ANKRD17: variants seen among roughly 807,000 people sequenced by gnomAD.
The protein encoded by ANKRD17 is ankyrin repeat domain-containing protein 17.
Under a neutral mutation model 229.7 loss-of-function variants are expected in ANKRD17, and 19 were observed. The observed-to-expected ratio is 0.08, with a 90% CI of 0.06 to 0.12. The LOEUF (loss-of-function observed/expected upper bound fraction) is 0.12, where lower values mean the gene tolerates loss of function less well. Among genes scored for constraint, ANKRD17 ranks in the 10% least tolerant of loss-of-function variants. ANKRD17 has a pLI of 1.00. For synonymous variants in ANKRD17, 1,112 were observed against 1,146.1 expected (o/e 0.97, Z 0.60); for missense variants, 2,176 against 3,176.8 (o/e 0.68, Z 7.57).
intron 1 of ANKRD17, among the ~76,000 whole-genome samples, chr4:73,181,940 TG>T (rs927589057): frequency 2.0e-5 from 3 of 149,898 alleles, no homozygotes; most frequent in African/African-American, 7.4e-5. Flanking sequence ...CCCAGCTACT[TG>T]GAAGGCTGAG....
At chr4:73,148,744 C>T (rs1034006501) in intron 8 of ANKRD17, 69 bp downstream of exon 8, 13 of 1,414,234 alleles carry the variant, frequency 9.2e-6, no homozygotes, top group African/African-American at 1.4e-5. Flanking sequence ...ATACTAAAAT[C>T]CAATTTTATA....
chr4:73,162,193 T>TGTGCA (rs1732623248), intron 2 of ANKRD17, among the ~76,000 whole-genome samples: 1 of 151,926 alleles, frequency 6.6e-6, no homozygotes, highest in Admixed American at 6.6e-5. Flanking sequence ...GGACTACAGG[T>TGTGCA]GTGCACTACC....
chr4:73,222,830 G>A, intron 1 of ANKRD17: 2 of 635,066 alleles, frequency 3.1e-6, no homozygotes, highest in South Asian at 2.0e-5. Flanking sequence ...ATTCTCACAC[G>A]GAATAGGTCT....
At chr4:73,175,080 T>C (rs1237307485) in intron 2 of ANKRD17, among the ~76,000 whole-genome samples, 1 of 152,202 alleles carries the variant, frequency 6.6e-6, no homozygotes, top group African/African-American at 2.4e-5. Context: ...CAATCTATAT[T>C]GGTCTGTTTT....
In ANKRD17 at chr4:73,177,479, C is replaced by A; in HGVS notation, c.448G>T (p.Ala150Ser). Reference sequence around the variant, plus strand: ...GTACCTGATAAGAGCAACTTGGAAGCTGTTTCCAGCATTGGATTTTCCAAA... The same window carrying A: ...GTACCTGATAAGAGCAACTTGGAAGATGTTTCCAGCATTGGATTTTCCAAA... ...DDLENPMLET[A>S]SKLLLSGTAD... The change falls in exon 2 of 34, where the codon GCT (alanine) becomes TCT (serine). Residue 150 changes from alanine to serine, a missense_variant. By Grantham distance (99) the Ala-to-Ser change is moderately conservative. Transcript: ENST00000358602. 6.2e-7 allele frequency: 1 copy of A among 1,613,690 alleles called. No homozygotes were observed. The highest frequency in any genetic ancestry group is 8.5e-7 in the Non-Finnish European group (1 of 1,179,762).
chr4:73,254,370 G>A (rs750751394), intron 1 of ANKRD17, among the ~76,000 whole-genome samples: 18 of 152,096 alleles, frequency 1.2e-4, no homozygotes, highest in Non-Finnish European at 2.4e-4. Flanking sequence ...TTAGTCACAG[G>A]TTACTTACAA....
chr4:73,153,814 A>C, intron 6 of ANKRD17, 66 bp downstream of exon 6: 4 of 1,115,976 alleles, frequency 3.6e-6, no homozygotes, highest in Non-Finnish European at 4.9e-6. Context: ...TAGAAACAAG[A>C]TTACATAAAA....
At chr4:73,176,486 A>T (rs1734753601) in intron 2 of ANKRD17, among the ~76,000 whole-genome samples, 1 of 152,138 alleles carries the variant, frequency 6.6e-6, no homozygotes, top group Non-Finnish European at 1.5e-5. Flanking sequence ...TATATTGAAG[A>T]GGTATCTGCA....
chr4:73,139,958 C>T lies in ANKRD17; in HGVS notation c.2658G>A (p.Lys886=), dbSNP rs763328779. ...TTTGAGCTTTAACCTCTAGATACTG[C>T]TTTTTTAGCTGCTGCTGAGTTTTCA... ...LQLKTQQQLK[K]QYLEVKAQRI... The change falls in exon 15 of 34, where the codon AAG becomes AAA. Residue 886 remains lysine, a synonymous_variant. Transcript: ENST00000358602. The T allele has an allele frequency of 2.2e-5, 35 of 1,614,010 alleles. No homozygotes were observed. The highest frequency in any genetic ancestry group is 2.5e-5 in the Non-Finnish European group (30 of 1,180,042).
At chr4:73,092,958 A>G (rs1055913217) in intron 28 of ANKRD17, among the ~76,000 whole-genome samples, 1 of 152,220 alleles carries the variant, frequency 6.6e-6, no homozygotes, top group Non-Finnish European at 1.5e-5. Flanking sequence ...TTTGATATTT[A>G]TGGAAACTCA....
intron 15 of ANKRD17, among the ~76,000 whole-genome samples, chr4:73,137,949 AC>A (rs1729119805): frequency 6.6e-6 from 1 of 152,206 alleles, no homozygotes; most frequent in Non-Finnish European, 1.5e-5. Flanking sequence ...ATGCCCAAGC[AC>A]ATCAGGTAAA....
chr4:73,204,680 G>A (rs1016837946), intron 1 of ANKRD17, among the ~76,000 whole-genome samples: 3 of 151,940 alleles, frequency 2.0e-5, no homozygotes, highest in Admixed American at 1.3e-4. Context: ...CTATTCTGGC[G>A]ATTCACAACA....
At chr4:73,097,358 A>T (rs888955566) in intron 26 of ANKRD17, 86 bp from the exon 27 acceptor site, 14 of 1,185,988 alleles carry the variant, frequency 1.2e-5, no homozygotes, top group Non-Finnish European at 1.6e-5. Context: ...CCCAATTTTT[A>T]AAAATTTATT....
intron 25 of ANKRD17, chr4:73,101,056 G>A (rs1003659339): frequency 1.1e-6 from 1 of 890,508 alleles, no homozygotes; most frequent in Admixed American, 6.2e-5. Flanking sequence ...AGGTAATGTA[G>A]AGATGATTTA....
chr4:73,243,337 G>C (rs1744212929), intron 1 of ANKRD17, among the ~76,000 whole-genome samples: 1 of 152,206 alleles, frequency 6.6e-6, no homozygotes, highest in African/African-American at 2.4e-5. Flanking sequence ...GAAAAAGCCA[G>C]GAGATCAAAT....
chr4:73,073,491 A>T lies in ANKRD17; in HGVS notation c.*2740T>A, dbSNP rs1720838699. The T allele has an allele frequency of 6.6e-6, 1 of 152,066 alleles. No homozygotes were observed. The highest frequency in any genetic ancestry group is 2.1e-4 in the South Asian group (1 of 4,824). The allele number at this position is 152,066 out of a possible 1,614,324, so 9.4% of individuals were successfully genotyped here. A position where few individuals can be genotyped will look rare whatever the true frequency, so the allele number is the denominator to read the frequency against. ...AAAAATAAGTAATATAGGGTACAAA[A>T]TTTTTACAAAATGTGTATTTAGGTT... On this transcript the variant is annotated 3_prime_UTR_variant, in exon 34 of 34. Coordinates refer to ENST00000358602, the MANE Select transcript of ANKRD17 (RefSeq NM_032217.5).
chr4:73,079,268 A>G (rs1311653549), intron 30 of ANKRD17, among the ~76,000 whole-genome samples: 5 of 152,258 alleles, frequency 3.3e-5, no homozygotes, highest in Admixed American at 3.3e-4. Context: ...TCCAAACTGT[A>G]TTCCCTGGGA....
In ANKRD17 at chr4:73,147,526, A is replaced by G. The variant is rs1317779354; in HGVS notation, c.1568-94T>C. On this transcript the variant is annotated intron_variant, in intron 8 of 33. Transcript: ENST00000358602. ...GTTTCTTAATAAACTGAATCTTTAA[A>G]ATGAACATTTATATTACTATAATAA... The G allele has an allele frequency of 3.8e-6, 4 of 1,057,216 alleles. No homozygotes were observed. In the African/African-American group the frequency reaches 5.0e-5, roughly 13 times the overall value. 65.5% of individuals were successfully genotyped at this position (1,057,216 alleles called of 1,614,324 possible).
intron 1 of ANKRD17, among the ~76,000 whole-genome samples, chr4:73,219,134 T>G (rs931160513): frequency 2.6e-5 from 4 of 152,184 alleles, no homozygotes; most frequent in Non-Finnish European, 4.4e-5. Context: ...GAATGGAAAA[T>G]ATTACTTTTA....
Sources: allele counts gnomAD v4.1 joint callset (sites outside exome capture counted in the v4.1 genomes callset), GRCh38; gene constraint gnomAD v4.1.1; transcripts MANE v1.5; gene names NCBI Gene and HGNC (gene_info 2026-07-23, HGNC 2026-07-21).